The following CHN2 variants were observed in gnomAD, a reference collection of about 807,000 sequenced individuals.
The protein encoded by CHN2 is chimerin 2.
In CHN2, 35 loss-of-function variants were observed where a neutral mutation model predicts 56.3. That is an observed-to-expected ratio of 0.62 (90% confidence interval 0.47 to 0.82). The LOEUF (loss-of-function observed/expected upper bound fraction) is 0.82. CHN2 is among the 40% of genes least tolerant of loss of function. CHN2 has a pLI of 0.00. For missense variants in CHN2, 491 were observed against 580.5 expected, an observed-to-expected ratio of 0.85 and a Z score of 1.58; for synonymous variants, 210 against 212.8, an observed-to-expected ratio of 0.99 and a Z score of 0.12.
intron 1 of CHN2, among the ~76,000 whole-genome samples, chr7:29,301,694 A>G (rs755189311): frequency 2.6e-5 from 4 of 151,860 alleles, no homozygotes; most frequent in Non-Finnish European, 5.9e-5. Context: ...GAATTATACT[A>G]CTCACCCTAC....
intron 2 of CHN2, among the ~76,000 whole-genome samples, chr7:29,356,553 A>G (rs1036982741): frequency 3.4e-4 from 52 of 152,120 alleles, no homozygotes; most frequent in African/African-American, 1.1e-3. Context: ...CATGTTAGGC[A>G]TTTTTGTTGT....
chr7:29,177,661 T>G (rs1040808649), intron 2 of CHN2, among the ~76,000 whole-genome samples: 4 of 151,880 alleles, frequency 2.6e-5, no homozygotes, highest in African/African-American at 9.7e-5. Flanking sequence ...TCTATTAATA[T>G]CTACCTATTT....
At chr7:29,381,979 G>T (rs151053479) in intron 3 of CHN2, among the ~76,000 whole-genome samples, 1 of 152,222 alleles carries the variant, frequency 6.6e-6, no homozygotes, top group Middle Eastern at 3.4e-3. Context: ...GATGGTTAGC[G>T]TCAGAGTTCC....
At chr7:29,177,668 A>G (rs1241296587) in intron 2 of CHN2, among the ~76,000 whole-genome samples, 1 of 147,584 alleles carries the variant, frequency 6.8e-6, no homozygotes, top group African/African-American at 2.5e-5. Flanking sequence ...ATATCTACCT[A>G]TTTATCTATC....
intron 1 of CHN2, among the ~76,000 whole-genome samples, chr7:29,293,659 G>A (rs1195850329): frequency 6.6e-6 from 1 of 152,058 alleles, no homozygotes; most frequent in Non-Finnish European, 1.5e-5. Context: ...TGCTTCGAAT[G>A]TGCTCTTCCT....
intron 8 of CHN2, among the ~76,000 whole-genome samples, chr7:29,497,860 T>C (rs1789471244): frequency 6.6e-6 from 1 of 152,160 alleles, no homozygotes; most frequent in Non-Finnish European, 1.5e-5. Context: ...AGGGCAGCAA[T>C]TCCAAGAGGT....
chr7:29,362,445 C>T (rs146686023), intron 2 of CHN2, among the ~76,000 whole-genome samples: 44 of 152,288 alleles, frequency 2.9e-4, no homozygotes, highest in Non-Finnish European at 5.7e-4. Flanking sequence ...TTCTGAATAA[C>T]CTTATCCCTA....
intron 5 of CHN2, 135 bp downstream of exon 5, chr7:29,398,621 G>T: frequency 1.6e-6 from 1 of 629,394 alleles, no homozygotes; most frequent in Non-Finnish European, 2.8e-6. Context: ...TATGAGGGGG[G>T]GGTCCCACTC....
At chr7:29,193,481 TATATA>T (rs1316159953), upstream of CHN2, 1 of 152,232 alleles carries the variant, frequency 6.6e-6, no homozygotes, top group African/African-American at 2.4e-5. Flanking sequence ...CCATTTTTGC[TATATA>T]ATGAGAGTAC....
intron 2 of CHN2, among the ~76,000 whole-genome samples, chr7:29,150,899 C>T (rs1024647220): frequency 2.0e-5 from 3 of 152,104 alleles, no homozygotes; most frequent in Admixed American, 6.5e-5. Flanking sequence ...TCTTAAGGAA[C>T]GAAGCCAGAT....
At chr7:29,489,796 G>A (rs1200361095) in intron 7 of CHN2, among the ~76,000 whole-genome samples, 1 of 152,124 alleles carries the variant, frequency 6.6e-6, no homozygotes, top group Non-Finnish European at 1.5e-5. Context: ...ATACTTGTTG[G>A]GAAAGGATGT....
intron 1 of CHN2, among the ~76,000 whole-genome samples, chr7:29,252,469 C>CA (rs1788643103): frequency 2.0e-5 from 3 of 148,920 alleles, no homozygotes; most frequent in Admixed American, 2.0e-4. Context: ...ATTACAGGCG[C>CA]AAGCCACTGC....
chr7:29,425,831 C>A (rs1804806609), intron 6 of CHN2, among the ~76,000 whole-genome samples: 1 of 151,738 alleles, frequency 6.6e-6, no homozygotes, highest in Non-Finnish European at 1.5e-5. Context: ...CAATTAAAAC[C>A]CTGAGAATTT....
intron 6 of CHN2, among the ~76,000 whole-genome samples, chr7:29,478,149 G>A (rs1255124165): frequency 6.6e-6 from 1 of 152,210 alleles, no homozygotes; most frequent in Non-Finnish European, 1.5e-5. Context: ...GGAAAGGGTA[G>A]CATTAGAATC....
chr7:29,254,148 C>A (rs1189479759), intron 1 of CHN2, among the ~76,000 whole-genome samples: 1 of 152,204 alleles, frequency 6.6e-6, no homozygotes, highest in Non-Finnish European at 1.5e-5. Context: ...CGTGATCCAT[C>A]TGCCTTGGCC....
chr7:29,318,304 C>T (rs1243460823), intron 1 of CHN2, among the ~76,000 whole-genome samples: 2 of 152,144 alleles, frequency 1.3e-5, no homozygotes. Flanking sequence ...AATTAATTGG[C>T]CTACATATTG....
At chr7:29,257,295 T>A (rs1584887640) in intron 1 of CHN2, among the ~76,000 whole-genome samples, 2 of 152,136 alleles carry the variant, frequency 1.3e-5, no homozygotes, top group African/African-American at 4.8e-5. Flanking sequence ...CCTATATGTG[T>A]CTTTCAATCG....
chr7:29,421,503 C>T (rs1303797134), intron 6 of CHN2, among the ~76,000 whole-genome samples: 1 of 152,218 alleles, frequency 6.6e-6, no homozygotes, highest in Non-Finnish European at 1.5e-5. Context: ...ACCTGCCGCC[C>T]TAACCACACA....
intron 3 of CHN2, among the ~76,000 whole-genome samples, chr7:29,388,597 C>T (rs1237110739): frequency 6.6e-6 from 1 of 152,120 alleles, no homozygotes; most frequent in Non-Finnish European, 1.5e-5. Context: ...CTTAAATTCC[C>T]ACAGATCTGG....
Sources: allele counts gnomAD v4.1 joint callset (sites outside exome capture counted in the v4.1 genomes callset), GRCh38; gene constraint gnomAD v4.1.1; transcripts MANE v1.5; gene names NCBI Gene and HGNC (gene_info 2026-07-23, HGNC 2026-07-21).